The following EBF1 variants were observed in gnomAD, a reference collection of about 807,000 sequenced individuals.
EBF1 encodes the protein EBF transcription factor 1.
EBF1 carries 10 observed loss-of-function variants against 68.4 expected under a neutral mutation model. That is an observed-to-expected ratio of 0.15 (90% CI 0.09 to 0.25). The LOEUF is 0.25. Ranked by LOEUF, EBF1 falls within the 10% of genes least tolerant of loss-of-function variation. The probability of loss-of-function intolerance (pLI) is 1.00; values close to 1 mark genes in which losing one functional copy is unlikely to be tolerated. For missense variants in EBF1, 509 were observed against 794.4 expected (o/e 0.64, Z 4.32); for synonymous variants, 298 against 299.8 (o/e 0.99, Z 0.06).
At chr5:158,740,356 A>T (rs1766072030) in intron 10 of EBF1, among the ~76,000 whole-genome samples, 2 of 152,314 alleles carry the variant, frequency 1.3e-5, no homozygotes, top group South Asian at 2.1e-4. Context: ...TTTATGAGAC[A>T]ACTCAGAAAA....
At chr5:158,735,145 A>T (rs1458734816) in intron 10 of EBF1, among the ~76,000 whole-genome samples, 1 of 152,178 alleles carries the variant, frequency 6.6e-6, no homozygotes, top group Non-Finnish European at 1.5e-5. Context: ...CCTTTAAAAC[A>T]AACTTTCCGA....
At chr5:158,733,388 C>T (rs894884925) in intron 10 of EBF1, among the ~76,000 whole-genome samples, 22 of 152,248 alleles carry the variant, frequency 1.4e-4, no homozygotes, top group African/African-American at 5.3e-4. Flanking sequence ...TAATGAATTC[C>T]TATTGTGTCT....
intron 7 of EBF1, among the ~76,000 whole-genome samples, chr5:158,831,189 A>G (rs961236874): frequency 6.6e-6 from 1 of 152,148 alleles, no homozygotes; most frequent in African/African-American, 2.4e-5. Context: ...GGTAGGAATG[A>G]GACAAACAGG....
chr5:158,985,002 T>A (rs1022482334), intron 6 of EBF1, among the ~76,000 whole-genome samples: 1 of 152,170 alleles, frequency 6.6e-6, no homozygotes, highest in Non-Finnish European at 1.5e-5. Context: ...TTTCTTTTCA[T>A]TGAATTTTTC....
intron 4 of EBF1, among the ~76,000 whole-genome samples, chr5:159,095,076 C>T (rs1001666434): frequency 4.6e-5 from 7 of 152,158 alleles, no homozygotes; most frequent in Non-Finnish European, 5.9e-5. Context: ...GCAAAATATC[C>T]TCTAACAATT....
chr5:158,907,801 C>T (rs1035439397), intron 6 of EBF1, among the ~76,000 whole-genome samples: 1 of 151,746 alleles, frequency 6.6e-6, no homozygotes, highest in East Asian at 1.9e-4. Context: ...CAACCAAAAC[C>T]AGCACAATCA....
chr5:159,015,292 C>T (rs1353324326), intron 6 of EBF1, among the ~76,000 whole-genome samples: 1 of 152,180 alleles, frequency 6.6e-6, no homozygotes, highest in African/African-American at 2.4e-5. Context: ...CTAAGTTCCT[C>T]GCACAACAGA....
rs537475160 is a variant in EBF1, at chr5:159,005,551, A to G, written c.554+67845T>C. ...TCAGAGCTATTAACTGAGTTTGGAT[A>G]GCGTTTTATATTTCTTTCCTGTACA... On this transcript the variant is annotated intron_variant, in intron 6 of 15. Transcript: ENST00000313708. Among the ~76,000 whole-genome samples, 58 of 152,314 alleles carry G rather than the reference A, an allele frequency of 3.8e-4. 1 individual carries two copies. The highest frequency in any genetic ancestry group is 3.4e-3 in the Middle Eastern group (1 of 294).
intron 6 of EBF1, among the ~76,000 whole-genome samples, chr5:158,855,960 G>A (rs1336135384): frequency 6.6e-6 from 1 of 152,202 alleles, no homozygotes; most frequent in Non-Finnish European, 1.5e-5. Flanking sequence ...AGATTCTTAA[G>A]CATGGCAGGA....
intron 6 of EBF1, among the ~76,000 whole-genome samples, chr5:158,958,820 C>A (rs1338909789): frequency 6.6e-6 from 1 of 152,178 alleles, no homozygotes; most frequent in Non-Finnish European, 1.5e-5. Flanking sequence ...CTTAACAACA[C>A]TTCCCACGTT....
At chr5:158,866,966 A>T (rs1283231252) in intron 6 of EBF1, among the ~76,000 whole-genome samples, 1 of 150,792 alleles carries the variant, frequency 6.6e-6, no homozygotes, top group Non-Finnish European at 1.5e-5. Context: ...GCCAACATAC[A>T]CAGAGGCACA....
intron 6 of EBF1, among the ~76,000 whole-genome samples, chr5:158,954,927 A>C (rs1816757758): frequency 6.6e-6 from 1 of 152,230 alleles, no homozygotes; most frequent in Non-Finnish European, 1.5e-5. Context: ...ATGAACAAAA[A>C]ACTAAAATAA....
At chr5:158,848,663 TG>T (rs1754506668) in intron 6 of EBF1, among the ~76,000 whole-genome samples, 1 of 152,234 alleles carries the variant, frequency 6.6e-6, no homozygotes. Context: ...TCACTACTTT[TG>T]TGTGTGTTTC....
chr5:158,943,759 G>A (rs1561584171), intron 6 of EBF1, among the ~76,000 whole-genome samples: 1 of 152,162 alleles, frequency 6.6e-6, no homozygotes, highest in Non-Finnish European at 1.5e-5. Flanking sequence ...GGGGAGGGCA[G>A]GGGGCGCCAG....
chr5:158,718,266 G>A (rs539063520), intron 11 of EBF1, among the ~76,000 whole-genome samples: 2 of 151,844 alleles, frequency 1.3e-5, no homozygotes, highest in South Asian at 4.1e-4. Context: ...ACAAAAGATT[G>A]TCGCCATCAC....
chr5:158,962,642 G>C (rs1753246731), intron 6 of EBF1, among the ~76,000 whole-genome samples: 1 of 152,160 alleles, frequency 6.6e-6, no homozygotes, highest in Non-Finnish European at 1.5e-5. Flanking sequence ...GGGCTTATAA[G>C]AGAATGAAAG....
intron 6 of EBF1, among the ~76,000 whole-genome samples, chr5:158,940,401 C>T (rs545571794): frequency 6.6e-6 from 1 of 152,242 alleles, no homozygotes; most frequent in African/African-American, 2.4e-5. Context: ...CTGTGGTATC[C>T]TAGGCCACTT....
intron 8 of EBF1, among the ~76,000 whole-genome samples, chr5:158,807,543 A>T (rs1327256131): frequency 6.6e-6 from 1 of 152,168 alleles, no homozygotes; most frequent in Non-Finnish European, 1.5e-5. Flanking sequence ...CCAAACATAA[A>T]TATGGCTGAA....
intron 6 of EBF1, among the ~76,000 whole-genome samples, chr5:159,008,251 T>G (rs1020333909): frequency 1.3e-5 from 2 of 152,356 alleles, no homozygotes; most frequent in African/African-American, 4.8e-5. Context: ...TCTAAGATTG[T>G]AATCAGAGCA....
Sources: gnomAD v4.1 joint callset for allele counts (sites outside exome capture counted in the v4.1 genomes callset) on GRCh38, gnomAD v4.1.1 for gene constraint, MANE v1.5 for transcripts, NCBI Gene and HGNC (gene_info 2026-07-23, HGNC 2026-07-21) for gene names.